OR56A3: variants seen among roughly 807,000 people sequenced by gnomAD.
OR56A3 encodes olfactory receptor family 56 subfamily A member 3, also known as olfactory receptor 56A3.
In OR56A3, 23 loss-of-function variants were observed where a neutral mutation model predicts 17.5. That is an observed-to-expected ratio of 1.32 (90% confidence interval 0.95 to 1.87). OR56A3 has a LOEUF of 1.87. Ranked by LOEUF, OR56A3 falls within the 40% of genes most tolerant of loss-of-function variation. The probability of loss-of-function intolerance (pLI) is 0.00; values close to 1 mark genes in which losing one functional copy is unlikely to be tolerated. For synonymous variants in OR56A3, 175 were observed against 150.6 expected, an observed-to-expected ratio of 1.16 and a Z score of -1.19; for missense variants, 366 against 380.1, an observed-to-expected ratio of 0.96 and a Z score of 0.31.
chr11:5,990,485 AG>A, the OR56A3 span, among the ~76,000 whole-genome samples: 1 of 152,152 alleles, frequency 6.6e-6, no homozygotes, highest in Admixed American at 6.5e-5. Context: ...CAGAAATAAG[AG>A]GGTTTCTTTG....
chr11:5,945,185 C>A (rs1901843), intron 2 of OR56A3, 103 bp downstream of exon 2: 42,907 of 152,064 alleles, frequency 0.28, 6,158 homozygotes, highest in South Asian at 0.38. Flanking sequence ...CTTTTTTCCT[C>A]GACAGATTCA....
chr11:5,985,770 AC>A, the OR56A3 span: 1 of 603,656 alleles, frequency 1.7e-6, no homozygotes, highest in South Asian at 2.7e-5. Context: ...ATATCCAGGT[AC>A]ATCCCAATAA....
intron 2 of OR56A3, among the ~76,000 whole-genome samples, chr11:5,946,079 G>A (rs1847867891): frequency 6.6e-6 from 1 of 152,304 alleles, no homozygotes; most frequent in African/African-American, 2.4e-5. Flanking sequence ...CTACACCCTT[G>A]CCAAGCTACA....
the OR56A3 span, among the ~76,000 whole-genome samples, chr11:5,979,820 T>C: frequency 1.3e-5 from 2 of 152,116 alleles, no homozygotes; most frequent in Non-Finnish European, 2.9e-5. Context: ...GATGTGAGCA[T>C]TTAGCACTAT....
the OR56A3 span, chr11:6,006,343 G>A: frequency 6.6e-6 from 1 of 152,138 alleles, no homozygotes; most frequent in African/African-American, 2.4e-5. Flanking sequence ...AAGAATTGTT[G>A]ACCATCTGGG....
the OR56A3 span, among the ~76,000 whole-genome samples, chr11:5,971,808 T>G: frequency 2.6e-5 from 4 of 152,228 alleles, no homozygotes; most frequent in African/African-American, 9.6e-5. Flanking sequence ...TCAATGCACC[T>G]TGATTTAGGG....
the OR56A3 span, among the ~76,000 whole-genome samples, chr11:5,975,798 G>T: frequency 6.6e-6 from 1 of 151,918 alleles, no homozygotes; most frequent in African/African-American, 2.4e-5. Context: ...CTTCCACAAT[G>T]GTTGAACTAG....
chr11:5,962,813 C>G, the OR56A3 span, among the ~76,000 whole-genome samples: 4,388 of 152,252 alleles, frequency 0.029, 112 homozygotes, highest in East Asian at 0.11. Flanking sequence ...GCTGGGATTA[C>G]AGGCGTGAGC....
At chr11:5,973,928 T>C in the OR56A3 span, among the ~76,000 whole-genome samples, 1 of 152,180 alleles carries the variant, frequency 6.6e-6, no homozygotes, top group Non-Finnish European at 1.5e-5. Context: ...CCAGAGGTCC[T>C]ATTGGGAAGC....
At chr11:6,007,498 A>G in the OR56A3 span, among the ~76,000 whole-genome samples, 1 of 152,214 alleles carries the variant, frequency 6.6e-6, no homozygotes, top group Non-Finnish European at 1.5e-5. Flanking sequence ...TGGATGTGCT[A>G]ATTAGTGTGA....
chr11:5,986,206 G>A, the OR56A3 span: 2 of 1,613,650 alleles, frequency 1.2e-6, no homozygotes, highest in East Asian at 2.2e-5. Flanking sequence ...CTTCAGCACT[G>A]CCTGGAGGAT....
chr11:5,958,709 T>C, the OR56A3 span, among the ~76,000 whole-genome samples: 3 of 152,160 alleles, frequency 2.0e-5, no homozygotes, highest in Non-Finnish European at 4.4e-5. Context: ...CAACATGCTG[T>C]ACAATAGATC....
the OR56A3 span, among the ~76,000 whole-genome samples, chr11:5,983,730 A>C: frequency 6.6e-6 from 1 of 152,190 alleles, no homozygotes; most frequent in Non-Finnish European, 1.5e-5. Context: ...CCATATGGGA[A>C]GAAGGGTCAC....
chr11:6,019,133 C>T, the OR56A3 span, among the ~76,000 whole-genome samples: 3 of 151,254 alleles, frequency 2.0e-5, no homozygotes, highest in African/African-American at 4.9e-5. Context: ...AAAACTACTC[C>T]AAAAAATTAA....
downstream of OR56A3, among the ~76,000 whole-genome samples, chr11:5,951,924 T>G (rs567488505): frequency 2.2e-4 from 34 of 152,244 alleles, no homozygotes; most frequent in East Asian, 5.8e-3. Context: ...GGATTGTGCA[T>G]TAAGGAATGA....
In OR56A3 at chr11:5,947,780, T is replaced by C. The variant is rs1847881273; in HGVS notation, c.434T>C (p.Val145Ala). The C allele has an allele frequency of 6.2e-7, 1 of 1,614,212 alleles. No individual in the cohort carries two copies. Among genetic ancestry groups the C allele is most frequent in the African/African-American group, 1.3e-5 (1 of 75,062 alleles). ...CCATCAATCATCACTGATCACTTTG[T>C]AGTCAAGGCTGCCATGTTTATTTTG... The part of the protein sequence containing the change: ...RYPSIITDHF[V>A]VKAAMFILTR... The change falls in exon 3 of 3, where the codon GTA (valine) becomes GCA (alanine). Residue 145 changes from valine to alanine, a missense_variant. Coordinates refer to ENST00000641160, the MANE Select transcript of OR56A3 (RefSeq NM_001003443.3).
chr11:5,986,984 C>A, the OR56A3 span: 1 of 1,543,772 alleles, frequency 6.5e-7, no homozygotes, highest in South Asian at 1.2e-5. Context: ...CAACCATCAT[C>A]CTGAGAAGAA....
the OR56A3 span, chr11:6,020,016 T>C: frequency 6.6e-6 from 1 of 152,080 alleles, no homozygotes; most frequent in Non-Finnish European, 1.5e-5. Flanking sequence ...TCCTGGTAAA[T>C]GTAAGAGCTC....
the OR56A3 span, among the ~76,000 whole-genome samples, chr11:6,014,355 T>C: frequency 2.0e-5 from 3 of 152,204 alleles, no homozygotes; most frequent in Admixed American, 6.5e-5. Context: ...CCAAGAATGG[T>C]TTAACACCAT....
Sources: allele counts gnomAD v4.1 joint callset (sites outside exome capture counted in the v4.1 genomes callset), GRCh38; gene constraint gnomAD v4.1.1; transcripts MANE v1.5; gene names NCBI Gene and HGNC (gene_info 2026-07-23, HGNC 2026-07-21).